The following MYO9A variants were observed in gnomAD, a reference collection of about 807,000 sequenced individuals.
MYO9A encodes unconventional myosin-IXa.
Under a neutral mutation model 293.3 loss-of-function variants are expected in MYO9A, and 103 were observed. The ratio of observed to expected loss-of-function variants is 0.35; its 90% CI spans 0.30 to 0.41. The LOEUF (loss-of-function observed/expected upper bound fraction) is 0.41. MYO9A is among the 10% of genes least tolerant of loss of function. MYO9A has a pLI of 1.00. For missense variants in MYO9A, 2,685 were observed against 3,033.0 expected (o/e 0.89, Z 2.69); for synonymous variants, 1,001 against 1,035.7 (o/e 0.97, Z 0.64).
intron 1 of MYO9A, among the ~76,000 whole-genome samples, chr15:72,105,029 T>C (rs192544750): frequency 2.0e-5 from 3 of 152,118 alleles, no homozygotes; most frequent in East Asian, 3.9e-4. Flanking sequence ...AACAGTGAAA[T>C]AAAGCAGGCA....
intron 19 of MYO9A, among the ~76,000 whole-genome samples, chr15:71,912,775 T>C (rs1170592295): frequency 1.3e-5 from 2 of 152,208 alleles, no homozygotes; most frequent in African/African-American, 4.8e-5. Context: ...TCACCACACA[T>C]AGAATTCTAG....
chr15:72,113,954 G>A (rs1472376601), intron 1 of MYO9A, among the ~76,000 whole-genome samples: 1 of 152,158 alleles, frequency 6.6e-6, no homozygotes, highest in Non-Finnish European at 1.5e-5. Flanking sequence ...GGGTCACATA[G>A]TAGTTATAAG....
At chr15:72,101,620 C>T (rs1210838462) in intron 1 of MYO9A, among the ~76,000 whole-genome samples, 2 of 133,922 alleles carry the variant, frequency 1.5e-5, no homozygotes, top group African/African-American at 2.8e-5. Flanking sequence ...CCCGGCCAGC[C>T]GCCCCATCCA....
upstream of MYO9A, chr15:72,118,291 T>C (rs1352340398): frequency 3.7e-6 from 1 of 273,830 alleles, no homozygotes; most frequent in African/African-American, 2.2e-5. Flanking sequence ...CCGCCCAAAT[T>C]TTTTCTTCTT....
intron 31 of MYO9A, among the ~76,000 whole-genome samples, chr15:71,877,773 T>G (rs1324623824): frequency 6.6e-6 from 1 of 152,206 alleles, no homozygotes; most frequent in East Asian, 1.9e-4. Flanking sequence ...CTATTAAAGC[T>G]AAGAGTATAA....
chr15:71,826,347 TA>T lies in MYO9A; in HGVS notation c.*232del. Reference sequence around the variant, plus strand: ...CCAGGCCCTAGGTGGCTTTGTATAGTAAAAATCTCAATTCAAATACAACAGC... The same window carrying T: ...CCAGGCCCTAGGTGGCTTTGTATAGTAAAATCTCAATTCAAATACAACAGC... On this transcript the variant is annotated 3_prime_UTR_variant, in exon 42 of 42. Transcript: ENST00000356056. The T allele has an allele frequency of 2.0e-6, 1 of 502,186 alleles. No individual in the cohort carries two copies. The highest frequency in any genetic ancestry group is 3.4e-6 in the Non-Finnish European group (1 of 290,404). The allele number at this position is 502,186 out of a possible 1,614,324, so 31.1% of individuals were successfully genotyped here. A position where few individuals can be genotyped will look rare whatever the true frequency, so the allele number is the denominator to read the frequency against.
chr15:71,828,785 A>G (rs2054608730), intron 40 of MYO9A, among the ~76,000 whole-genome samples: 1 of 152,204 alleles, frequency 6.6e-6, no homozygotes, highest in Non-Finnish European at 1.5e-5. Context: ...TATGTCTGCA[A>G]CTTCTAACAA....
intron 8 of MYO9A, among the ~76,000 whole-genome samples, chr15:72,004,329 G>A (rs935572161): frequency 1.3e-4 from 20 of 152,280 alleles, no homozygotes; most frequent in African/African-American, 3.8e-4. Context: ...AGGCCAAGGC[G>A]GGTGGATCAC....
intron 1 of MYO9A, among the ~76,000 whole-genome samples, chr15:72,054,033 G>T (rs1297029532): frequency 1.3e-5 from 2 of 152,172 alleles, no homozygotes; most frequent in African/African-American, 4.8e-5. Flanking sequence ...TCAACTATCT[G>T]CTGTTTTCAG....
chr15:72,045,818 G>C lies in MYO9A; in HGVS notation c.746C>G (p.Thr249Arg), dbSNP rs1294792981. 1 of 1,614,058 alleles carries C rather than the reference G, an allele frequency of 6.2e-7. No individual in the cohort carries two copies. The highest frequency in any genetic ancestry group is 1.3e-5 in the African/African-American group (1 of 74,924). ...GESGSGKTQS[T>R]NFLIHHLTAL... ...AGTAAGGTGGTGAATAAGAAAGTTTGTGCTTTGAGTCTTCCCAGAACCACT... is the reference window on the plus strand; with the variant it reads ...AGTAAGGTGGTGAATAAGAAAGTTTCTGCTTTGAGTCTTCCCAGAACCACT... The change falls in exon 2 of 42, where the codon ACA becomes AGA. Residue 249 changes from threonine to arginine, a missense_variant. Physicochemically the swap from Thr to Arg is moderately conservative, Grantham distance 71. Coordinates refer to ENST00000356056, the MANE Select transcript of MYO9A (RefSeq NM_006901.4).
At chr15:72,030,498 T>C (rs1175787371) in intron 3 of MYO9A, among the ~76,000 whole-genome samples, 2 of 152,086 alleles carry the variant, frequency 1.3e-5, no homozygotes, top group Admixed American at 6.6e-5. Context: ...CATATCTATA[T>C]ACTATATCTA....
intron 1 of MYO9A, among the ~76,000 whole-genome samples, chr15:72,084,684 C>T (rs2079658954): frequency 6.6e-6 from 1 of 152,190 alleles, no homozygotes; most frequent in South Asian, 2.1e-4. Context: ...TCAGCAATTA[C>T]ATGTTTGAAA....
rs1445094612 is a variant in MYO9A at position 71,883,638 on chromosome 15, A to G, written c.5354T>C (p.Leu1785Pro). 6.2e-7 allele frequency: 1 copy of G among 1,613,668 alleles called. No homozygotes were observed. Among genetic ancestry groups the G allele is most frequent in the Non-Finnish European group, 8.5e-7 (1 of 1,179,788 alleles). ...KPTTQSEVSP[L>P]FAGTDVIPAH... ...TGGAATCACATCTGTGCCTGCAAAG[A>G]GTGGCGAAACCTCTGACTGGGTAGT... The change falls in exon 28 of 42, where the codon CTC becomes CCC. Residue 1785 changes from leucine to proline, a missense_variant. Around this residue, in one of 10 missense-constraint regions of MYO9A, gnomAD observed 1,434 missense variants for 1,497.7 expected, o/e 0.96. Coordinates refer to ENST00000356056, the MANE Select transcript of MYO9A (RefSeq NM_006901.4).
At chr15:71,982,848 A>C (rs2076310116) in intron 11 of MYO9A, among the ~76,000 whole-genome samples, 2 of 152,160 alleles carry the variant, frequency 1.3e-5, no homozygotes, top group Non-Finnish European at 2.9e-5. Flanking sequence ...GGTGCTTATA[A>C]ATTTTGGACT....
chr15:71,860,581 T>C (rs1422719462), intron 33 of MYO9A, among the ~76,000 whole-genome samples: 1 of 152,136 alleles, frequency 6.6e-6, no homozygotes, highest in Non-Finnish European at 1.5e-5. Context: ...TTGTAGGCTT[T>C]TGAAGGCCAA....
intron 3 of MYO9A, among the ~76,000 whole-genome samples, chr15:72,032,218 C>T (rs574559343): frequency 9.9e-5 from 15 of 152,054 alleles, no homozygotes; most frequent in Non-Finnish European, 2.1e-4. Context: ...GCCTTGAAAA[C>T]AATTTTTTAA....
At chr15:71,984,288 C>T (rs1348240381) in intron 11 of MYO9A, among the ~76,000 whole-genome samples, 1 of 152,224 alleles carries the variant, frequency 6.6e-6, no homozygotes, top group Non-Finnish European at 1.5e-5. Flanking sequence ...GCATTAAATG[C>T]ATTTTTGACT....
At chr15:71,849,756 T>G (rs1428867547) in intron 38 of MYO9A, among the ~76,000 whole-genome samples, 6 of 151,808 alleles carry the variant, frequency 4.0e-5, no homozygotes, top group African/African-American at 7.2e-5. Flanking sequence ...AGATACTAAG[T>G]GTCCATAATT....
chr15:72,079,627 A>G (rs2079478758), intron 1 of MYO9A, among the ~76,000 whole-genome samples: 1 of 152,220 alleles, frequency 6.6e-6, no homozygotes, highest in African/African-American at 2.4e-5. Flanking sequence ...CCACTAGGAA[A>G]CGAACACTAT....
Sources: gnomAD v4.1 joint callset for allele counts (sites outside exome capture counted in the v4.1 genomes callset) on GRCh38, gnomAD v4.1.1 for gene constraint, gnomAD v4.1.1 regional missense constraint, MANE v1.5 for transcripts, NCBI Gene and HGNC (gene_info 2026-07-23, HGNC 2026-07-21) for gene names.